The following TTC29 variants were observed in gnomAD, a reference collection of about 807,000 sequenced individuals.
TTC29 encodes the protein tetratricopeptide repeat protein 29.
Under a neutral mutation model 58.1 loss-of-function variants are expected in TTC29, and 49 were observed. The observed-to-expected ratio is 0.84, with a 90% CI of 0.67 to 1.07. The LOEUF (loss-of-function observed/expected upper bound fraction) is 1.07. TTC29 is among the 50% of genes least tolerant of loss of function. The probability of loss-of-function intolerance (pLI) is 0.00; values close to 1 mark genes in which losing one functional copy is unlikely to be tolerated. For missense variants in TTC29, 582 were observed against 555.6 expected, an observed-to-expected ratio of 1.05 and a Z score of -0.48; for synonymous variants, 209 against 196.8, an observed-to-expected ratio of 1.06 and a Z score of -0.52.
chr4:146,794,077 GCTT>G (rs894619206), intron 11 of TTC29, among the ~76,000 whole-genome samples: 4 of 152,056 alleles, frequency 2.6e-5, no homozygotes, highest in African/African-American at 4.8e-5. Flanking sequence ...GTAATGTTTT[GCTT>G]CTTATTTCCT....
intron 8 of TTC29, among the ~76,000 whole-genome samples, chr4:146,842,269 T>C (rs1408739386): frequency 6.6e-6 from 1 of 152,102 alleles, no homozygotes; most frequent in Admixed American, 6.6e-5. Flanking sequence ...ATTCAATCAC[T>C]GGAGAGTTAC....
intron 8 of TTC29, among the ~76,000 whole-genome samples, chr4:146,845,473 C>A (rs1373706394): frequency 2.0e-5 from 3 of 152,108 alleles, no homozygotes; most frequent in Non-Finnish European, 4.4e-5. Context: ...GTGAGTGGGA[C>A]AAATAATTTC....
At chr4:146,829,530 T>A (rs998364243) in intron 9 of TTC29, among the ~76,000 whole-genome samples, 2 of 152,208 alleles carry the variant, frequency 1.3e-5, no homozygotes, top group African/African-American at 4.8e-5. Flanking sequence ...CAAAAAGCTG[T>A]TCTTAATTTC....
intron 11 of TTC29, among the ~76,000 whole-genome samples, chr4:146,754,869 C>A (rs1200198744): frequency 6.6e-6 from 1 of 151,554 alleles, no homozygotes; most frequent in African/African-American, 2.4e-5. Flanking sequence ...GTTACCACTT[C>A]TATTTAACAT....
chr4:146,825,323 A>G (rs1727712254), intron 9 of TTC29, among the ~76,000 whole-genome samples: 1 of 152,122 alleles, frequency 6.6e-6, no homozygotes, highest in Non-Finnish European at 1.5e-5. Flanking sequence ...ATTGGTTTCA[A>G]AGAACTTCTT....
intron 9 of TTC29, among the ~76,000 whole-genome samples, chr4:146,822,002 T>C (rs1751872539): frequency 6.6e-6 from 1 of 151,096 alleles, no homozygotes; most frequent in African/African-American, 2.4e-5. Flanking sequence ...TTTTTTTTTT[T>C]TTTTCTGGGT....
At chr4:146,807,551 A>G (rs541815816) in intron 10 of TTC29, among the ~76,000 whole-genome samples, 29 of 152,328 alleles carry the variant, frequency 1.9e-4, no homozygotes, top group Admixed American at 1.9e-3. Context: ...AAAATGATAA[A>G]GGGGATATCA....
intron 11 of TTC29, among the ~76,000 whole-genome samples, chr4:146,798,947 C>A (rs983499695): frequency 2.0e-5 from 3 of 146,484 alleles, no homozygotes; most frequent in African/African-American, 7.6e-5. Flanking sequence ...GAGAAAGATG[C>A]TCTTACTGAG....
At chr4:146,708,341 T>TATATATATATATATATATATATAC (rs1561047024) in intron 11 of TTC29, among the ~76,000 whole-genome samples, 1 of 62,840 alleles carries the variant, frequency 1.6e-5, no homozygotes, top group East Asian at 6.4e-4. Flanking sequence ...TATATATATA[T>TATATATATATATATATATATATAC]ATATATATAT....
Position 146,797,832 on chromosome 4 carries a change from T to TTATATATATATATATATATA in TTC29, c.1330+5605_1330+5624dup, listed in dbSNP as rs70958528. Reference sequence around the variant, plus strand: ...ACAACTGGCCACTGATTACTTTGTTTTATATATATATATATATATATATAT... The same window carrying TTATATATATATATATATATA: ...ACAACTGGCCACTGATTACTTTGTTTTATATATATATATATATATATATATATATATATATATATATATAT... On this transcript the variant is annotated intron_variant, in intron 11 of 12. Transcript: ENST00000325106. 2.0e-3 allele frequency among the ~76,000 whole-genome samples: 258 copies of TTATATATATATATATATATA among 129,962 alleles called. 2 individuals are homozygous for TTATATATATATATATATATA. Among genetic ancestry groups the TTATATATATATATATATATA allele is most frequent in the African/African-American group, 5.9e-3 (203 of 34,514 alleles). 85.3% of individuals were successfully genotyped at this position (129,962 alleles called of 152,430 possible). A position where few individuals can be genotyped will look rare whatever the true frequency, so the allele number is the denominator to read the frequency against.
At position 146,854,181 on chromosome 4, in the gene TTC29, A is replaced by G. The variant is rs989507944; in HGVS notation, c.885+13317T>C. 2.0e-5 allele frequency among the ~76,000 whole-genome samples: 3 copies of G among 152,034 alleles called. No individual in the cohort carries two copies. In the South Asian group the frequency reaches 6.2e-4, roughly 32 times the overall value. ...TTTGCCTGACTCCCTGGCTGATAGA[A>G]TCCCTCCCAAATAAGCCACATGTAC... On this transcript the variant is annotated intron_variant, in intron 8 of 12. Transcript: ENST00000325106.
chr4:146,786,848 C>A (rs998820359), intron 11 of TTC29, among the ~76,000 whole-genome samples: 5 of 152,044 alleles, frequency 3.3e-5, no homozygotes, highest in Admixed American at 2.0e-4. Flanking sequence ...CATGGTGGCT[C>A]ATGGCTGTAA....
intron 9 of TTC29, among the ~76,000 whole-genome samples, chr4:146,829,536 A>G (rs963951254): frequency 3.3e-5 from 5 of 152,196 alleles, no homozygotes; most frequent in Non-Finnish European, 5.9e-5. Context: ...GCTGTTCTTA[A>G]TTTCATGAAT....
intron 7 of TTC29, among the ~76,000 whole-genome samples, chr4:146,872,759 A>G (rs1318770436): frequency 1.3e-5 from 2 of 152,112 alleles, no homozygotes; most frequent in Non-Finnish European, 2.9e-5. Flanking sequence ...GGAAATGGCT[A>G]AACTTAAACC....
chr4:146,724,648 G>T (rs961939600), intron 11 of TTC29, among the ~76,000 whole-genome samples: 18 of 151,838 alleles, frequency 1.2e-4, no homozygotes. Flanking sequence ...CGAGTAGCTG[G>T]GATTACAGGT....
chr4:146,739,712 T>C (rs913926710), intron 11 of TTC29, among the ~76,000 whole-genome samples: 1 of 152,186 alleles, frequency 6.6e-6, no homozygotes, highest in African/African-American at 2.4e-5. Flanking sequence ...TTTATATTCA[T>C]ATATTCATAC....
At chr4:146,750,193 G>C (rs1463904172) in intron 11 of TTC29, among the ~76,000 whole-genome samples, 2 of 152,080 alleles carry the variant, frequency 1.3e-5, no homozygotes, top group Non-Finnish European at 1.5e-5. Context: ...ATTTTTAGCA[G>C]AGACGGGGTT....
chr4:146,769,318 T>C (rs1747549575), intron 11 of TTC29, among the ~76,000 whole-genome samples: 1 of 152,012 alleles, frequency 6.6e-6, no homozygotes, highest in Non-Finnish European at 1.5e-5. Flanking sequence ...AAAAATACTA[T>C]ATCTGATAAA....
intron 8 of TTC29, among the ~76,000 whole-genome samples, chr4:146,866,177 T>C (rs572610132): frequency 6.6e-6 from 1 of 152,274 alleles, no homozygotes; most frequent in East Asian, 1.9e-4. Flanking sequence ...TGAATTTTAT[T>C]GTATTGTTTG....
Sources: gnomAD v4.1 joint callset for allele counts (sites outside exome capture counted in the v4.1 genomes callset) on GRCh38, gnomAD v4.1.1 for gene constraint, MANE v1.5 for transcripts, NCBI Gene and HGNC (gene_info 2026-07-23, HGNC 2026-07-21) for gene names.